ZNF37A: variants seen among roughly 807,000 people sequenced by gnomAD.
The protein encoded by ZNF37A is zinc finger protein 37A.
A neutral mutation model predicts 12.3 loss-of-function variants in ZNF37A; 10 were observed. The ratio of observed to expected loss-of-function variants is 0.82; its 90% CI spans 0.50 to 1.38. The LOEUF (loss-of-function observed/expected upper bound fraction) is 1.38, where lower values mean the gene tolerates loss of function less well. Among genes scored for constraint, ZNF37A ranks in the 40% most tolerant of loss-of-function variants. The pLI is 0.00. For synonymous variants in ZNF37A, 207 were observed against 223.0 expected (o/e 0.93, Z 0.64); for missense variants, 580 against 651.2 (o/e 0.89, Z 1.19).
intron 5 of ZNF37A, among the ~76,000 whole-genome samples, chr10:38,111,266 A>T (rs1434724231): frequency 6.6e-6 from 1 of 152,108 alleles, no homozygotes; most frequent in African/African-American, 2.4e-5. Context: ...TCTCACTCAT[A>T]AGTGGGAGTT....
chr10:38,117,352 C>A, intron 7 of ZNF37A, 38 bp from the exon 8 acceptor site: 1 of 1,530,632 alleles, frequency 6.5e-7, no homozygotes, highest in Non-Finnish European at 8.7e-7. Flanking sequence ...TCTTACATAT[C>A]CTCGTCAACT....
intron 7 of ZNF37A, among the ~76,000 whole-genome samples, chr10:38,134,820 C>T (rs2070085340): frequency 6.6e-6 from 1 of 152,340 alleles, no homozygotes; most frequent in South Asian, 2.1e-4. Flanking sequence ...GTCTTCGAAG[C>T]TGTCAGACAG....
rs1564932882 is a variant in ZNF37A at position 38,112,815 on chromosome 10, T to TGTC, written c.16-1940_16-1939insGTC. Reference sequence around the variant, plus strand: ...CTTTTCTTGTCTTGTCTTGTCTTCTTTTCTTTTCTTTCACAGAGTTTCACT... The same window carrying TGTC: ...CTTTTCTTGTCTTGTCTTGTCTTCTTGTCTTCTTTTCTTTCACAGAGTTTCACT... On this transcript the variant is annotated intron_variant, in intron 5 of 7. Coordinates refer to ENST00000685332, the MANE Select transcript of ZNF37A (RefSeq NM_001324250.3). Among the ~76,000 whole-genome samples, 50 of 119,364 alleles carry TGTC rather than the reference T, an allele frequency of 4.2e-4. 4 individuals carry two copies. Among genetic ancestry groups the TGTC allele is most frequent in the African/African-American group, 1.1e-3 (35 of 30,860 alleles). 78.3% of individuals were successfully genotyped at this position (119,364 alleles called of 152,430 possible). A position where few individuals can be genotyped will look rare whatever the true frequency, so the allele number is the denominator to read the frequency against.
At chr10:38,129,815 C>A (rs2136074792), downstream of ZNF37A, among the ~76,000 whole-genome samples, 2 of 152,228 alleles carry the variant, frequency 1.3e-5, no homozygotes, top group South Asian at 4.1e-4. Context: ...TTGTTTGTTT[C>A]TAAAAATCAG....
intron 5 of ZNF37A, among the ~76,000 whole-genome samples, chr10:38,104,279 G>A (rs1035560886): frequency 2.0e-5 from 3 of 152,100 alleles, no homozygotes; most frequent in African/African-American, 7.2e-5. Context: ...ACAAGCCTGT[G>A]AGCCACTTCT....
Position 38,119,225 on chromosome 10 carries a change from G to A in ZNF37A, c.*388G>A. The A allele has an allele frequency of 9.7e-7, 1 of 1,032,384 alleles. No individual in the cohort carries two copies. 64.0% of individuals were successfully genotyped at this position (1,032,384 alleles called of 1,614,324 possible). ...AAGACACACTTGGAGAAACCTTTTG[G>A]GTGTAATGAATGTGGGAAAACCTTT... is the stretch of plus-strand genomic sequence containing the variant. On this transcript the variant is annotated 3_prime_UTR_variant, in exon 8 of 8. Coordinates refer to ENST00000685332, the MANE Select transcript of ZNF37A (RefSeq NM_001324250.3).
In ZNF37A at chr10:38,123,376, A is replaced by G. The variant is rs928737714; in HGVS notation, c.*4539A>G. ...AATAATAGCAGTTTCTATAAATTTA[A>G]TATTTCAATAAAACTCCCAGTATTT... On this transcript the variant is annotated 3_prime_UTR_variant, in exon 8 of 8. Transcript: ENST00000685332. 1.3e-5 allele frequency: 2 copies of G among 152,216 alleles called. No homozygotes were observed. Among genetic ancestry groups the G allele is most frequent in the African/African-American group, 4.8e-5 (2 of 41,446 alleles). 9.4% of individuals were successfully genotyped at this position (152,216 alleles called of 1,614,324 possible).
chr10:38,114,624 C>A, intron 5 of ZNF37A, 131 bp from the exon 6 acceptor site: 1 of 1,115,160 alleles, frequency 9.0e-7, no homozygotes, highest in Non-Finnish European at 1.3e-6. Flanking sequence ...CAACATATAT[C>A]ATAGGGGCCC....
Position 38,096,587 on chromosome 10 carries a change from G to C in ZNF37A, c.-31G>C, listed in dbSNP as rs778368180. The C allele has an allele frequency of 2.5e-6, 4 of 1,609,572 alleles. No homozygotes were observed. Among genetic ancestry groups the C allele is most frequent in the Non-Finnish European group, 3.4e-6 (4 of 1,178,532 alleles). On this transcript the variant is annotated 5_prime_UTR_variant, in exon 5 of 8. Transcript: ENST00000685332. ...CTTATTTCTCAGCTACACCCTCACA[G>C]TTTGCTCTGCTCTTCCAACACCAGT... is the stretch of plus-strand genomic sequence containing the variant.
intron 5 of ZNF37A, among the ~76,000 whole-genome samples, chr10:38,101,528 T>C (rs1456816552): frequency 6.6e-6 from 1 of 152,088 alleles, no homozygotes; most frequent in African/African-American, 2.4e-5. Flanking sequence ...TGAAATTCCA[T>C]GTTAACTTCA....
intron 5 of ZNF37A, among the ~76,000 whole-genome samples, chr10:38,110,709 C>T (rs1379262330): frequency 2.0e-5 from 3 of 152,030 alleles, no homozygotes; most frequent in East Asian, 1.9e-4. Flanking sequence ...GACATTTATG[C>T]GGCCAACAAA....
chr10:38,141,347 C>G (rs2070179994), intron 7 of ZNF37A: 1 of 152,110 alleles, frequency 6.6e-6, no homozygotes, highest in African/African-American at 2.4e-5. Flanking sequence ...ACCAGTGATG[C>G]CTTATCCCCA....
In ZNF37A at chr10:38,119,016, C is replaced by A; in HGVS notation, c.*179C>A. ...ACATTATTCTGGAATTTGGACCATA[C>A]ACTATGTTACAAAACTAAAAGTGGA... On this transcript the variant is annotated 3_prime_UTR_variant, in exon 8 of 8. Transcript: ENST00000685332. 7.7e-7 allele frequency: 1 copy of A among 1,294,512 alleles called. No individual in the cohort carries two copies. The highest frequency in any genetic ancestry group is 2.7e-5 in the South Asian group (1 of 37,098). 80.2% of individuals were successfully genotyped at this position (1,294,512 alleles called of 1,614,324 possible). A position where few individuals can be genotyped will look rare whatever the true frequency, so the allele number is the denominator to read the frequency against.
At chr10:38,115,060 A>G (rs958426504) in intron 6 of ZNF37A, 135 bp from the exon 7 acceptor site, 7 of 1,052,472 alleles carry the variant, frequency 6.7e-6, no homozygotes, top group Non-Finnish European at 9.5e-6. Context: ...TGACAGGATT[A>G]AATGAAGTGT....
intron 7 of ZNF37A, among the ~76,000 whole-genome samples, chr10:38,116,467 A>T (rs1022172607): frequency 2.6e-5 from 4 of 151,680 alleles, no homozygotes; most frequent in African/African-American, 4.8e-5. Context: ...CTGACAATGG[A>T]AAAACAATCA....
chr10:38,103,903 C>T (rs36043070), intron 5 of ZNF37A, among the ~76,000 whole-genome samples: 4,675 of 152,238 alleles, frequency 0.031, 205 homozygotes, highest in African/African-American at 0.098. Context: ...TGTTTTAGGG[C>T]GCTCCTGTAA....
chr10:38,116,349 G>A (rs1358500016), intron 7 of ZNF37A, among the ~76,000 whole-genome samples: 1 of 152,168 alleles, frequency 6.6e-6, no homozygotes, highest in Non-Finnish European at 1.5e-5. Context: ...CAATCCAGCT[G>A]ATGTTTGTGC....
At chr10:38,116,413 A>C (rs767456696) in intron 7 of ZNF37A, among the ~76,000 whole-genome samples, 4 of 152,206 alleles carry the variant, frequency 2.6e-5, no homozygotes, top group African/African-American at 4.8e-5. Flanking sequence ...TGAACCTGGG[A>C]AATTTGGGAA....
chr10:38,106,834 C>A (rs371539645), intron 5 of ZNF37A, among the ~76,000 whole-genome samples: 10 of 152,080 alleles, frequency 6.6e-5, no homozygotes, highest in Non-Finnish European at 1.3e-4. Context: ...CGAACAAAGC[C>A]TCCAAGAAAT....
Sources: allele counts gnomAD v4.1 joint callset (sites outside exome capture counted in the v4.1 genomes callset), GRCh38; gene constraint gnomAD v4.1.1; transcripts MANE v1.5; gene names NCBI Gene and HGNC (gene_info 2026-07-23, HGNC 2026-07-21).